PCNX2: variants seen among roughly 807,000 people sequenced by gnomAD.
PCNX2 encodes pecanex-like protein 2.
In PCNX2, 168 loss-of-function variants were observed where a neutral mutation model predicts 223.8. That is an observed-to-expected ratio of 0.75 (90% CI 0.66 to 0.85). The LOEUF is 0.85. Ranked by LOEUF, PCNX2 falls within the 40% of genes least tolerant of loss-of-function variation. The pLI is 0.00. For missense variants in PCNX2, 2,507 were observed against 2,675.5 expected (o/e 0.94, Z 1.39); for synonymous variants, 1,006 against 1,052.6 (o/e 0.96, Z 0.86).
chr1:233,053,621 G>A (rs555476859), intron 25 of PCNX2, among the ~76,000 whole-genome samples: 1 of 152,158 alleles, frequency 6.6e-6, no homozygotes, highest in East Asian at 1.9e-4. Context: ...CATGCAATGA[G>A]TAAAGGAATA....
rs1669702674 is a variant in PCNX2, at chr1:232,991,647, G to A, written c.5792-5107C>T. Among the ~76,000 whole-genome samples the A allele has an allele frequency of 6.6e-6, 1 of 152,148 alleles. No homozygotes were observed. Among genetic ancestry groups the A allele is most frequent in the Admixed American group, 6.5e-5 (1 of 15,280 alleles). ...CAGTGTCCTTATAAAAAGGGGACGT[G>A]TGGACACAGAGAAGTACAGGGAGAA... On this transcript the variant is annotated intron_variant, in intron 32 of 33. Coordinates refer to ENST00000258229, the MANE Select transcript of PCNX2 (RefSeq NM_014801.4). This position sits in a 1 kb window ranked among gnomAD's most constrained non-coding sequence, Gnocchi z 4.3.
chr1:233,236,766 A>T (rs987245164), intron 9 of PCNX2, 79 bp downstream of exon 9: 2 of 1,561,802 alleles, frequency 1.3e-6, no homozygotes, highest in African/African-American at 1.4e-5. Flanking sequence ...AATCCTGTCA[A>T]GTAATCCAAC....
chr1:233,171,894 G>C (rs556841161), intron 17 of PCNX2, among the ~76,000 whole-genome samples: 1 of 151,804 alleles, frequency 6.6e-6, no homozygotes, highest in South Asian at 2.1e-4. Context: ...TTGTCAATTA[G>C]TGTTATGTTC....
At chr1:233,208,260 G>A (rs114436372) in intron 13 of PCNX2, among the ~76,000 whole-genome samples, 1,998 of 152,264 alleles carry the variant, frequency 0.013, 23 homozygotes, top group South Asian at 0.044. Context: ...TGCCCAGCCC[G>A]GATGGGCATT....
At chr1:233,295,933 T>TTC (rs1558437024), upstream of PCNX2, among the ~76,000 whole-genome samples, 1 of 142,788 alleles carries the variant, frequency 7.0e-6, no homozygotes, top group African/African-American at 2.6e-5. This position sits in a 1 kb window ranked among gnomAD's most constrained non-coding sequence, Gnocchi z 4.1. Context: ...TCTCTCTCTT[T>TTC]CTTCCTTCCT....
chr1:233,078,610 C>T (rs6424275), intron 23 of PCNX2, among the ~76,000 whole-genome samples: 38,527 of 152,104 alleles, frequency 0.25, 6,128 homozygotes, highest in African/African-American at 0.44. Flanking sequence ...GAATCACTCA[C>T]AAAGCCTCGC....
chr1:233,059,668 T>C (rs908593507), intron 23 of PCNX2, among the ~76,000 whole-genome samples: 1 of 152,234 alleles, frequency 6.6e-6, no homozygotes, highest in African/African-American at 2.4e-5. Context: ...TCAATAAATA[T>C]TTGCAGAATA....
At chr1:232,995,174 G>A (rs1198621985) in intron 32 of PCNX2, among the ~76,000 whole-genome samples, 1 of 152,156 alleles carries the variant, frequency 6.6e-6, no homozygotes, top group Non-Finnish European at 1.5e-5. Context: ...ACACCGGGGG[G>A]CAGAGAAAGA....
intron 21 of PCNX2, among the ~76,000 whole-genome samples, chr1:233,105,040 AATG>A (rs1193063668): frequency 6.6e-6 from 1 of 152,202 alleles, no homozygotes; most frequent in African/African-American, 2.4e-5. Flanking sequence ...ATTGCCTTAA[AATG>A]TGCATCTTAG....
intron 17 of PCNX2, among the ~76,000 whole-genome samples, 184 bp from the exon 18 acceptor site, chr1:233,161,547 C>G (rs1239724378): frequency 3.3e-5 from 5 of 152,050 alleles, no homozygotes; most frequent in Non-Finnish European, 7.4e-5. Context: ...TAGGGAATTT[C>G]AGGAAGACTA....
chr1:233,051,104 G>A (rs1671989442), intron 25 of PCNX2, among the ~76,000 whole-genome samples: 1 of 152,066 alleles, frequency 6.6e-6, no homozygotes, highest in Non-Finnish European at 1.5e-5. Context: ...TCAGAGAAAT[G>A]AAAATCAAAA....
At chr1:233,285,627 A>G (rs1365583706) in intron 1 of PCNX2, among the ~76,000 whole-genome samples, 1 of 152,206 alleles carries the variant, frequency 6.6e-6, no homozygotes, top group Non-Finnish European at 1.5e-5. Context: ...GCGACCTGAG[A>G]TCGTGCCACT....
intron 32 of PCNX2, among the ~76,000 whole-genome samples, chr1:232,994,730 G>A (rs1164359872): frequency 6.6e-6 from 1 of 152,188 alleles, no homozygotes; most frequent in African/African-American, 2.4e-5. Flanking sequence ...CATGGGGGTG[G>A]TTTCCCCCAG....
intron 32 of PCNX2, among the ~76,000 whole-genome samples, chr1:232,997,880 C>T (rs1031357966): frequency 6.6e-6 from 1 of 152,092 alleles, no homozygotes; most frequent in African/African-American, 2.4e-5. Context: ...CCCACGGACA[C>T]TTGGAGAAGA....
At chr1:233,036,640 A>G (rs2102851826) in intron 25 of PCNX2, among the ~76,000 whole-genome samples, 1 of 152,228 alleles carries the variant, frequency 6.6e-6, no homozygotes, top group Admixed American at 6.5e-5. Flanking sequence ...AAAAAAAAAA[A>G]AAAATTATAT....
chr1:233,029,974 G>A (rs1332662426), intron 25 of PCNX2, among the ~76,000 whole-genome samples: 2 of 152,024 alleles, frequency 1.3e-5, no homozygotes, highest in Non-Finnish European at 2.9e-5. Context: ...TCTGTGGATC[G>A]ATATTTTTCA....
At chr1:232,994,089 G>C (rs1248337268) in intron 32 of PCNX2, among the ~76,000 whole-genome samples, 1 of 152,214 alleles carries the variant, frequency 6.6e-6, no homozygotes, top group Non-Finnish European at 1.5e-5. Flanking sequence ...GTCCCACTGG[G>C]GTACTGCCTA....
Position 232,986,178 on chromosome 1 carries a change from C to G in PCNX2, c.6154G>C (p.Gly2052Arg), listed in dbSNP as rs756055087. Residue 2052 changes from glycine to arginine, a missense_variant, in exon 33 of 34, where the codon GGG becomes CGG. Physicochemically the swap from Gly to Arg is moderately radical, Grantham distance 125 (BLOSUM62 -2). Transcript: ENST00000258229. ...GACTGGGTGTCACTGGTATTGCCCC[C>G]CTCCGCAGCAGAGAGTCCGGAAATG... Reference protein sequence around the residue: ...LVISGLSAAEGGNTSDTQSSS... With the variant: ...LVISGLSAAERGNTSDTQSSS... 3 of 1,563,158 alleles carry G rather than the reference C, an allele frequency of 1.9e-6. No individual in the cohort carries two copies. The highest frequency in any genetic ancestry group is 2.4e-5 in the South Asian group (2 of 84,826).
chr1:233,172,297 C>A (rs962238977), intron 17 of PCNX2: 5 of 958,132 alleles, frequency 5.2e-6, no homozygotes, highest in Non-Finnish European at 6.2e-6. Context: ...GACAAGGCAA[C>A]CTTCTAGAAA....
Sources: allele counts gnomAD v4.1 joint callset (sites outside exome capture counted in the v4.1 genomes callset), GRCh38; gene constraint gnomAD v4.1.1; non-coding constraint Gnocchi (gnomAD v3.1); transcripts MANE v1.5; gene names NCBI Gene and HGNC (gene_info 2026-07-23, HGNC 2026-07-21).